PDXDC1: variants seen among roughly 807,000 people sequenced by gnomAD.
The protein encoded by PDXDC1 is pyridoxal-dependent decarboxylase domain-containing protein 1.
A neutral mutation model predicts 100.1 loss-of-function variants in PDXDC1; 42 were observed. The observed-to-expected ratio is 0.42, with a 90% CI of 0.33 to 0.54. The LOEUF (loss-of-function observed/expected upper bound fraction) is 0.54, where lower values mean the gene tolerates loss of function less well. PDXDC1 is among the 20% of genes least tolerant of loss of function. The pLI is 0.10. For synonymous variants in PDXDC1, 260 were observed against 371.7 expected (o/e 0.70, Z 3.46); for missense variants, 636 against 979.2 (o/e 0.65, Z 4.68).
chr16:15,056,892 G>A (rs958667433), intron 16 of PDXDC1, among the ~76,000 whole-genome samples: 1 of 152,172 alleles, frequency 6.6e-6, no homozygotes, highest in African/African-American at 2.4e-5. Flanking sequence ...AATGCAATAG[G>A]CCACTCACAG....
chr16:15,035,865 G>A (rs920349479), intron 22 of PDXDC1, 151 bp from the exon 23 acceptor site: 36 of 834,244 alleles, frequency 4.3e-5, no homozygotes, highest in South Asian at 5.1e-5. Flanking sequence ...AGCAGCTCTC[G>A]GTTTTCTCAT....
In PDXDC1 at chr16:15,131,544, T is replaced by A; in HGVS notation, c.1400-7335T>A. On this transcript the variant is annotated intron_variant, in intron 16 of 16. Transcript: ENST00000535621. Reference sequence around the variant, plus strand: ...GGGCCACGATCTCCTCGCCCGCCAGTGTCAGGGGCTCCTCGTTGAGCACGC... The same window carrying A: ...GGGCCACGATCTCCTCGCCCGCCAGAGTCAGGGGCTCCTCGTTGAGCACGC... The A allele has an allele frequency of 8.1e-6, 13 of 1,608,348 alleles. No homozygotes were observed. In the East Asian group the frequency reaches 8.9e-5, roughly 11 times the overall value.
rs1404648190 is a variant in PDXDC1 at position 15,111,417 on chromosome 16, T to C, written c.1400-27462T>C. Among the ~76,000 whole-genome samples, 3 of 140,436 alleles carry C rather than the reference T, an allele frequency of 2.1e-5. 1 individual carries two copies. The Admixed American group carries it at 2.2e-4, about 10-fold the overall frequency. The allele number at this position is 140,436 out of a possible 152,430, so 92.1% of individuals were successfully genotyped here. A position where few individuals can be genotyped will look rare whatever the true frequency, so the allele number is the denominator to read the frequency against. On this transcript the variant is annotated intron_variant, in intron 16 of 16. Transcript: ENST00000535621. The stretch of plus-strand genomic sequence containing the variant: ...GTTGTGTTGAGCTGAGATTGTGCCA[T>C]TGCACTCCAACCTGGGCAACAAAAT...
chr16:15,012,879 A>G (rs1282372872), intron 8 of PDXDC1, among the ~76,000 whole-genome samples: 2 of 152,180 alleles, frequency 1.3e-5, no homozygotes, highest in African/African-American at 2.4e-5. Flanking sequence ...ATTCTTTAAA[A>G]TATAATGTCA....
At chr16:14,978,677 G>A (rs1967259741) in intron 1 of PDXDC1, among the ~76,000 whole-genome samples, 1 of 152,296 alleles carries the variant, frequency 6.6e-6, no homozygotes, top group Non-Finnish European at 1.5e-5. Flanking sequence ...TTATAAGCGT[G>A]AGCCACCGTG....
chr16:15,047,629 C>T (rs1332689494), intron 16 of PDXDC1: 7 of 1,086,746 alleles, frequency 6.4e-6, no homozygotes, highest in Non-Finnish European at 8.6e-6. Context: ...GCCTGTCCCT[C>T]CGGACCGCCT....
In PDXDC1 at chr16:15,030,694, C is replaced by T. The variant is rs374281398; in HGVS notation, c.1399+638C>T. Among the ~76,000 whole-genome samples, 32 of 150,224 alleles carry T rather than the reference C, an allele frequency of 2.1e-4. No homozygotes were observed. In the East Asian group the frequency reaches 6.1e-3, roughly 29 times the overall value. On this transcript the variant is annotated intron_variant, in intron 16 of 22. Coordinates refer to ENST00000396410, the MANE Select transcript of PDXDC1 (RefSeq NM_015027.4). Reference sequence around the variant, plus strand: ...GACCTCCTGGGCTCAAGTGATCTTCCCACCTCAGCCCCCGAGGAGTTGGGA... The same window carrying T: ...GACCTCCTGGGCTCAAGTGATCTTCTCACCTCAGCCCCCGAGGAGTTGGGA...
At chr16:14,987,314 A>G (rs896316441) in intron 1 of PDXDC1, among the ~76,000 whole-genome samples, 4 of 152,288 alleles carry the variant, frequency 2.6e-5, no homozygotes, top group Non-Finnish European at 4.4e-5. Flanking sequence ...TACTTGATAA[A>G]ATTGAGAAGC....
At chr16:15,113,223 A>G (rs990494464) in intron 16 of PDXDC1, among the ~76,000 whole-genome samples, 3 of 14,112 alleles carry the variant, frequency 2.1e-4, no homozygotes, top group Non-Finnish European at 6.5e-4. Context: ...GTGAGAAAAG[A>G]AAAAAAAAAA....
intron 16 of PDXDC1, among the ~76,000 whole-genome samples, chr16:15,103,641 C>A (rs1164143968): frequency 7.0e-6 from 1 of 143,870 alleles, no homozygotes; most frequent in East Asian, 2.2e-4. Context: ...GTGGCTGGGA[C>A]TACAGGCATG....
chr16:15,147,999 GT>G, the PDXDC1 span, among the ~76,000 whole-genome samples: 5 of 146,404 alleles, frequency 3.4e-5, no homozygotes, highest in Admixed American at 6.8e-5. Flanking sequence ...TTTTTGTTTT[GT>G]TTTTTTTTTA....
chr16:15,043,089 G>A (rs1470301507), downstream of PDXDC1, among the ~76,000 whole-genome samples: 1 of 151,974 alleles, frequency 6.6e-6, no homozygotes, highest in Non-Finnish European at 1.5e-5. Flanking sequence ...TAGTAGAGAC[G>A]GGGTTTCTCC....
At chr16:15,134,012 C>A (rs944434887) in intron 16 of PDXDC1, 29 of 1,453,338 alleles carry the variant, frequency 2.0e-5, no homozygotes, top group Non-Finnish European at 2.8e-6. Flanking sequence ...CTGCGCTGCC[C>A]GTGGATGTGG....
At chr16:15,077,333 G>A (rs535998940) in intron 16 of PDXDC1, among the ~76,000 whole-genome samples, 24 of 152,202 alleles carry the variant, frequency 1.6e-4, no homozygotes, top group African/African-American at 4.6e-4. Context: ...TTGCTGGGGG[G>A]GGACTGGTGG....
intron 16 of PDXDC1, among the ~76,000 whole-genome samples, chr16:15,071,430 G>A (rs559349696): frequency 2.0e-5 from 3 of 152,110 alleles, no homozygotes; most frequent in Admixed American, 6.6e-5. Flanking sequence ...AAGGCACCTC[G>A]GGTGTTAAAT....
rs767347602 is a variant in PDXDC1 at position 15,070,033 on chromosome 16, C to G, written c.1399+39977C>G. On this transcript the variant is annotated intron_variant, in intron 16 of 16. Coordinates refer to the PDXDC1 transcript ENST00000535621. ...ACCATTCTGAAGGGTGACAAGAACACAAGGAAAATCCAGTCCAGCACTCCC... is the reference window on the plus strand; with the variant it reads ...ACCATTCTGAAGGGTGACAAGAACAGAAGGAAAATCCAGTCCAGCACTCCC... The G allele has an allele frequency of 7.3e-6, 8 of 1,090,002 alleles. No individual in the cohort carries two copies. In the African/African-American group the frequency reaches 9.6e-5, roughly 13 times the overall value. The allele number at this position is 1,090,002 out of a possible 1,614,324, so 67.5% of individuals were successfully genotyped here.
At chr16:15,145,191 A>G in the PDXDC1 span, among the ~76,000 whole-genome samples, 1 of 152,156 alleles carries the variant, frequency 6.6e-6, no homozygotes, top group Admixed American at 6.5e-5. Flanking sequence ...GGGGGGGGCC[A>G]AGCAAACTGG....
At chr16:15,067,907 G>T (rs1272402000) in intron 16 of PDXDC1, among the ~76,000 whole-genome samples, 1 of 151,770 alleles carries the variant, frequency 6.6e-6, no homozygotes, top group Non-Finnish European at 1.5e-5. Flanking sequence ...ACAGGCACAG[G>T]CAACCACACC....
intron 16 of PDXDC1, among the ~76,000 whole-genome samples, chr16:15,054,298 G>A (rs2044412282): frequency 6.6e-6 from 1 of 152,164 alleles, no homozygotes; most frequent in South Asian, 2.1e-4. Context: ...AGCCTTTCTA[G>A]GACATGTCTT....
Sources: gnomAD v4.1 joint callset for allele counts (sites outside exome capture counted in the v4.1 genomes callset) on GRCh38, gnomAD v4.1.1 for gene constraint, MANE v1.5 for transcripts, NCBI Gene and HGNC (gene_info 2026-07-23, HGNC 2026-07-21) for gene names.